The following RALGAPA1 variants were observed in gnomAD, a reference collection of about 807,000 sequenced individuals.
The protein encoded by RALGAPA1 is ral GTPase-activating protein subunit alpha-1.
RALGAPA1 carries 52 observed loss-of-function variants against 269.6 expected under a neutral mutation model. The ratio of observed to expected loss-of-function variants is 0.19; its 90% CI spans 0.15 to 0.24. The LOEUF is 0.24. Among genes scored for constraint, RALGAPA1 ranks in the 10% least tolerant of loss-of-function variants. The pLI is 1.00. For synonymous variants in RALGAPA1, 817 were observed against 1,008.3 expected, an observed-to-expected ratio of 0.81 and a Z score of 3.60; for missense variants, 1,917 against 3,013.9, an observed-to-expected ratio of 0.64 and a Z score of 8.52.
chr14:35,773,950 C>T (rs991270393), intron 3 of RALGAPA1, among the ~76,000 whole-genome samples: 3 of 152,104 alleles, frequency 2.0e-5, no homozygotes, highest in Non-Finnish European at 2.9e-5. Flanking sequence ...CAGGGTCTCA[C>T]TCTCTTGCCC....
rs1369971336 is a variant in RALGAPA1 at position 35,668,458 on chromosome 14, G to A, written c.5202+2931C>T. On this transcript the variant is annotated intron_variant, in intron 26 of 41. Coordinates refer to ENST00000680220, the MANE Select transcript of RALGAPA1 (RefSeq NM_001346249.2). ...AGATCGCATTACTGCACTCCAGTCC[G>A]AGTGACAGAGACAGATTTTGTCTCA... Among the ~76,000 whole-genome samples the A allele has an allele frequency of 5.9e-5, 9 of 151,618 alleles. No individual in the cohort carries two copies. In the East Asian group the frequency reaches 9.6e-4, roughly 16 times the overall value.
chr14:35,665,853 G>A (rs2063887369), intron 26 of RALGAPA1, among the ~76,000 whole-genome samples: 1 of 152,174 alleles, frequency 6.6e-6, no homozygotes, highest in Non-Finnish European at 1.5e-5. Context: ...CATAATGGGA[G>A]CAGACCTGGA....
intron 16 of RALGAPA1, among the ~76,000 whole-genome samples, chr14:35,708,008 T>G (rs1038647550): frequency 6.6e-6 from 1 of 151,528 alleles, no homozygotes; most frequent in African/African-American, 2.4e-5. Context: ...GAACATACAC[T>G]GGGGAAAGGA....
intron 12 of RALGAPA1, among the ~76,000 whole-genome samples, chr14:35,734,566 A>G (rs1386864535): frequency 3.3e-5 from 5 of 152,232 alleles, no homozygotes; most frequent in Non-Finnish European, 7.3e-5. Context: ...AGATGGATTA[A>G]GGACTTAAAT....
Position 35,688,559 on chromosome 14 carries a change from C to T in RALGAPA1, c.3852G>A (p.Lys1284=). 3.3e-6 allele frequency: 5 copies of T among 1,536,126 alleles called. No homozygotes were observed. The highest frequency in any genetic ancestry group is 4.4e-6 in the Non-Finnish European group (5 of 1,146,882). The change falls in exon 18 of 42, where the codon AAG becomes AAA. Residue 1284 remains lysine (K), a synonymous_variant. Transcript: ENST00000680220. The part of the protein sequence containing the change: ...KTVVHALSKP[K]ANVSPQRQNR... Reference sequence around the variant, plus strand: ...TCTGCCTCTGTGGGGAAACATTTGCCTTCGGCTTCGAAAGAGCATGTACAA... The same window carrying T: ...TCTGCCTCTGTGGGGAAACATTTGCTTTCGGCTTCGAAAGAGCATGTACAA...
At chr14:35,558,462 T>C (rs1460841909) in intron 39 of RALGAPA1, among the ~76,000 whole-genome samples, 2 of 152,216 alleles carry the variant, frequency 1.3e-5, no homozygotes, top group Non-Finnish European at 2.9e-5. Context: ...TTCCTTATTT[T>C]CATCTAATAA....
chr14:35,603,423 G>C (rs1000442229), intron 36 of RALGAPA1, among the ~76,000 whole-genome samples: 2 of 151,986 alleles, frequency 1.3e-5, no homozygotes, highest in Non-Finnish European at 2.9e-5. Flanking sequence ...TAACCAAAGA[G>C]GCAAAAAGAG....
intron 1 of RALGAPA1, among the ~76,000 whole-genome samples, chr14:35,782,471 A>C (rs2075501665): frequency 6.6e-6 from 1 of 152,042 alleles, no homozygotes; most frequent in Non-Finnish European, 1.5e-5. Context: ...TCTGTTGCCC[A>C]GGCAGGAGTG....
At chr14:35,622,818 G>C (rs1566848985) in intron 35 of RALGAPA1, among the ~76,000 whole-genome samples, 1 of 152,136 alleles carries the variant, frequency 6.6e-6, no homozygotes, top group Non-Finnish European at 1.5e-5. Flanking sequence ...AGAAGGACAG[G>C]CTGGGCACAA....
chr14:35,786,308 G>A (rs1343336090), intron 1 of RALGAPA1, among the ~76,000 whole-genome samples: 1 of 152,066 alleles, frequency 6.6e-6, no homozygotes, highest in Non-Finnish European at 1.5e-5. Context: ...ATACAGTCAG[G>A]GAAGTGGCAT....
chr14:35,611,557 C>A (rs1183607483), intron 35 of RALGAPA1, among the ~76,000 whole-genome samples: 1 of 150,698 alleles, frequency 6.6e-6, no homozygotes, highest in Admixed American at 6.6e-5. Flanking sequence ...CACAGTGAGA[C>A]CCCGTCTCTA....
At position 35,728,517 on chromosome 14, in the gene RALGAPA1, C is replaced by T; in HGVS notation, c.1588-7G>A. On this transcript the variant is annotated splice_region_variant and splice_polypyrimidine_tract_variant and intron_variant, in intron 12 of 41. Transcript: ENST00000680220. ...ATGAGTTTATAATAAACACCTAAGA[C>T]AAAAGAAATCATTAGCTATTCACAA... is the stretch of plus-strand genomic sequence containing the variant. 6.3e-7 allele frequency: 1 copy of T among 1,578,834 alleles called. No individual in the cohort carries two copies.
chr14:35,559,136 T>C (rs2139257714), intron 39 of RALGAPA1, among the ~76,000 whole-genome samples: 1 of 152,318 alleles, frequency 6.6e-6, no homozygotes, highest in East Asian at 1.9e-4. Context: ...AAATAGGCTC[T>C]ATTCTAGTGT....
intron 37 of RALGAPA1, among the ~76,000 whole-genome samples, chr14:35,573,502 G>A (rs1233168447): frequency 6.6e-6 from 1 of 152,120 alleles, no homozygotes; most frequent in Non-Finnish European, 1.5e-5. Flanking sequence ...CACACGGCAG[G>A]TGGAAAGGTT....
intron 37 of RALGAPA1, among the ~76,000 whole-genome samples, chr14:35,582,644 A>C (rs923840557): frequency 6.6e-6 from 1 of 152,204 alleles, no homozygotes; most frequent in African/African-American, 2.4e-5. Context: ...TACTTTTGTG[A>C]GTTTTATTTC....
chr14:35,587,717 G>A (rs1439830589), intron 37 of RALGAPA1, among the ~76,000 whole-genome samples: 1 of 151,030 alleles, frequency 6.6e-6, no homozygotes, highest in Non-Finnish European at 1.5e-5. Flanking sequence ...GGGGCCTGTC[G>A]TGGGGTGGGG....
At chr14:35,751,995 T>C in intron 8 of RALGAPA1, 29 bp downstream of exon 8, 1 of 1,562,152 alleles carries the variant, frequency 6.4e-7, no homozygotes, top group Non-Finnish European at 8.6e-7. Flanking sequence ...TTAAGTGTGA[T>C]CTTTCAGAAA....
At chr14:35,560,917 G>A (rs57933514) in intron 39 of RALGAPA1, among the ~76,000 whole-genome samples, 3,332 of 152,134 alleles carry the variant, frequency 0.022, 123 homozygotes, top group South Asian at 0.14. Flanking sequence ...CATCTTTAAA[G>A]GTATGCAGTA....
At chr14:35,628,323 G>A (rs963948815) in intron 33 of RALGAPA1, among the ~76,000 whole-genome samples, 2 of 152,142 alleles carry the variant, frequency 1.3e-5, no homozygotes, top group African/African-American at 4.8e-5. Context: ...GCTGAGGCGG[G>A]AGGATTGCTT....
Sources: gnomAD v4.1 joint callset for allele counts (sites outside exome capture counted in the v4.1 genomes callset) on GRCh38, gnomAD v4.1.1 for gene constraint, MANE v1.5 for transcripts, NCBI Gene and HGNC (gene_info 2026-07-23, HGNC 2026-07-21) for gene names.